The following NELL2 variants were observed in gnomAD, a reference collection of about 807,000 sequenced individuals.
NELL2 encodes protein kinase C-binding protein NELL2.
Under a neutral mutation model 109.6 loss-of-function variants are expected in NELL2, and 41 were observed. The observed-to-expected ratio is 0.37, with a 90% CI of 0.29 to 0.49. The LOEUF is 0.49. NELL2 is among the 20% of genes least tolerant of loss of function. The pLI is 0.98. For synonymous variants in NELL2, 355 were observed against 344.7 expected (o/e 1.03, Z -0.33); for missense variants, 900 against 1,008.3 (o/e 0.89, Z 1.45).
In NELL2 at chr12:44,876,306, C is replaced by A. The variant is rs1323428533; in HGVS notation, c.-437G>T. The A allele has an allele frequency of 6.0e-6, 7 of 1,176,336 alleles. No individual in the cohort carries two copies. In the East Asian group the frequency reaches 1.3e-4, roughly 21 times the overall value. The allele number at this position is 1,176,336 out of a possible 1,614,324, so 72.9% of individuals were successfully genotyped here. A position where few individuals can be genotyped will look rare whatever the true frequency, so the allele number is the denominator to read the frequency against. ...CCGCCGCCCGAACCTGTTGTAAAGG[C>A]AGAGACAATGGAGAAAGCTCCGGGA... On this transcript the variant is annotated 5_prime_UTR_variant, in exon 1 of 20. Coordinates refer to ENST00000429094, the MANE Select transcript of NELL2 (RefSeq NM_001145108.2).
chr12:44,752,289 C>G (rs988692054), intron 9 of NELL2, among the ~76,000 whole-genome samples: 4 of 152,152 alleles, frequency 2.6e-5, no homozygotes, highest in African/African-American at 9.7e-5. Flanking sequence ...TTTTCATATT[C>G]AAAAAGCTCT....
chr12:44,524,239 C>T (rs1031537453), intron 16 of NELL2, among the ~76,000 whole-genome samples: 10 of 152,156 alleles, frequency 6.6e-5, no homozygotes, highest in Non-Finnish European at 1.5e-4. Context: ...CAGCCTAAAG[C>T]GTTTTCATAC....
chr12:44,889,090 G>A (rs1218613329), intron 1 of NELL2, among the ~76,000 whole-genome samples: 2 of 151,952 alleles, frequency 1.3e-5, no homozygotes, highest in Non-Finnish European at 2.9e-5. Context: ...AGTTCTTCCT[G>A]TTGTTGTGAC....
intron 13 of NELL2, among the ~76,000 whole-genome samples, chr12:44,620,006 C>G (rs1393074177): frequency 6.6e-6 from 1 of 151,982 alleles, no homozygotes; most frequent in Admixed American, 6.6e-5. Flanking sequence ...GGAAGAAACA[C>G]TTTAGATAAC....
In NELL2 at chr12:44,547,507, G is replaced by T. The variant is rs575234927; in HGVS notation, c.1664-14786C>A. ...CATCTTACTCATGAATAAGATAGCA[G>T]TTATCTTTAATTGGTAATATTACAG... On this transcript the variant is annotated intron_variant, in intron 15 of 19. Coordinates refer to ENST00000429094, the MANE Select transcript of NELL2 (RefSeq NM_001145108.2). Among the ~76,000 whole-genome samples, 6 of 152,248 alleles carry T rather than the reference G, an allele frequency of 3.9e-5. No individual in the cohort carries two copies. In the South Asian group the frequency reaches 1.2e-3, roughly 32 times the overall value.
chr12:44,876,738 A>G, upstream of NELL2: 1 of 1,527,962 alleles, frequency 6.5e-7, no homozygotes, highest in Non-Finnish European at 8.8e-7. Flanking sequence ...GCACTCGTGC[A>G]CTGGGCTCCG....
At chr12:44,872,789 C>G (rs1945201657) in intron 2 of NELL2, among the ~76,000 whole-genome samples, 1 of 152,182 alleles carries the variant, frequency 6.6e-6, no homozygotes, top group Admixed American at 6.5e-5. Flanking sequence ...TAATTTGTTA[C>G]TATTCCTGCT....
At chr12:44,879,377 A>G (rs1170297108), upstream of NELL2, among the ~76,000 whole-genome samples, 1 of 152,170 alleles carries the variant, frequency 6.6e-6, no homozygotes, top group Middle Eastern at 3.2e-3. Flanking sequence ...TAATATAAGT[A>G]CTGACTACAT....
At chr12:44,647,796 A>G (rs1276781254) in intron 13 of NELL2, among the ~76,000 whole-genome samples, 3 of 152,246 alleles carry the variant, frequency 2.0e-5, no homozygotes, top group African/African-American at 4.8e-5. Flanking sequence ...CACATCAGCT[A>G]AGACATTCTT....
intron 2 of NELL2, among the ~76,000 whole-genome samples, chr12:44,821,919 T>TTATG (rs1321221895): frequency 6.6e-6 from 1 of 150,448 alleles, no homozygotes; most frequent in Non-Finnish European, 1.5e-5. Flanking sequence ...ATTTATTTAT[T>TTATG]TATTTATTTA....
At chr12:44,902,935 A>G (rs1293604495) in intron 1 of NELL2, among the ~76,000 whole-genome samples, 2 of 152,218 alleles carry the variant, frequency 1.3e-5, no homozygotes, top group African/African-American at 4.8e-5. Context: ...CGTAAGACCT[A>G]AAACCATAAA....
intron 9 of NELL2, among the ~76,000 whole-genome samples, chr12:44,729,308 TCAGCCCC>T (rs890652495): frequency 6.6e-6 from 1 of 151,968 alleles, no homozygotes; most frequent in African/African-American, 2.4e-5. Flanking sequence ...ATATTTTATG[TCAGCCCC>T]ATGGTAACAA....
intron 12 of NELL2, among the ~76,000 whole-genome samples, chr12:44,679,772 T>A (rs191087821): frequency 2.0e-5 from 3 of 152,200 alleles, no homozygotes; most frequent in East Asian, 3.9e-4. Context: ...TCTTGCCCTT[T>A]CCCTTTGCTT....
At chr12:44,755,825 T>C (rs1303532831) in intron 9 of NELL2, among the ~76,000 whole-genome samples, 1 of 152,222 alleles carries the variant, frequency 6.6e-6, no homozygotes, top group African/African-American at 2.4e-5. Flanking sequence ...GATACTATCA[T>C]TAACTTCTTT....
intron 13 of NELL2, among the ~76,000 whole-genome samples, chr12:44,634,852 T>A (rs1018830427): frequency 2.0e-5 from 3 of 151,956 alleles, no homozygotes; most frequent in Middle Eastern, 3.2e-3. Flanking sequence ...CTGGAGTACT[T>A]ATGGGTGAGA....
rs113011985 is a variant in NELL2, at chr12:44,759,243, T to C, written c.994+15504A>G. 3.8e-3 allele frequency among the ~76,000 whole-genome samples: 572 copies of C among 152,310 alleles called. 5 individuals are homozygous for C. The highest frequency in any genetic ancestry group is 0.013 in the African/African-American group (543 of 41,572). On this transcript the variant is annotated intron_variant, in intron 9 of 19. Transcript: ENST00000429094. ...AAAAACTGTAGAAAAGGCTACAAGT[T>C]TTTCTATCCCTGTTTCTTTGTCCCT...
chr12:44,569,230 G>A (rs1476461633), intron 15 of NELL2, among the ~76,000 whole-genome samples: 3 of 151,824 alleles, frequency 2.0e-5, no homozygotes, highest in Non-Finnish European at 2.9e-5. Context: ...TTTTTATGGC[G>A]GCATAGTGTT....
intron 13 of NELL2, among the ~76,000 whole-genome samples, chr12:44,658,129 T>C (rs1947581427): frequency 6.6e-6 from 1 of 152,214 alleles, no homozygotes; most frequent in Non-Finnish European, 1.5e-5. Flanking sequence ...CTCCACATCC[T>C]CTCCACCATC....
At chr12:44,727,345 A>G (rs1251462942) in intron 9 of NELL2, among the ~76,000 whole-genome samples, 1 of 151,986 alleles carries the variant, frequency 6.6e-6, no homozygotes, top group African/African-American at 2.4e-5. Flanking sequence ...TAGTCAATTT[A>G]GGGAGTTTTT....
Sources: gnomAD v4.1 joint callset for allele counts (sites outside exome capture counted in the v4.1 genomes callset) on GRCh38, gnomAD v4.1.1 for gene constraint, MANE v1.5 for transcripts, NCBI Gene and HGNC (gene_info 2026-07-23, HGNC 2026-07-21) for gene names.